CCDC91: variants seen among roughly 807,000 people sequenced by gnomAD.
CCDC91 encodes the protein coiled-coil domain-containing protein 91.
In CCDC91, 48 loss-of-function variants were observed where a neutral mutation model predicts 63.2. That is an observed-to-expected ratio of 0.76 (90% confidence interval 0.60 to 0.97). The LOEUF (loss-of-function observed/expected upper bound fraction) is 0.97. CCDC91 is among the 50% of genes least tolerant of loss of function. The probability of loss-of-function intolerance (pLI) is 0.00; values close to 1 mark genes in which losing one functional copy is unlikely to be tolerated. For missense variants in CCDC91, 500 were observed against 494.6 expected, an observed-to-expected ratio of 1.01 and a Z score of -0.10; for synonymous variants, 167 against 165.8, an observed-to-expected ratio of 1.01 and a Z score of -0.06.
chr12:28,344,020 T>C (rs1565829285), intron 6 of CCDC91, among the ~76,000 whole-genome samples: 4 of 152,144 alleles, frequency 2.6e-5, no homozygotes. Flanking sequence ...CAAATAATTT[T>C]TTCTGGTATT....
intron 6 of CCDC91, among the ~76,000 whole-genome samples, chr12:28,352,740 C>T (rs1052321835): frequency 1.3e-5 from 2 of 152,064 alleles, no homozygotes; most frequent in African/African-American, 2.4e-5. Flanking sequence ...TAAACCATAC[C>T]GTAAACAGAT....
At chr12:28,433,637 G>A (rs1160222965) in intron 8 of CCDC91, among the ~76,000 whole-genome samples, 1 of 151,942 alleles carries the variant, frequency 6.6e-6, no homozygotes, top group Non-Finnish European at 1.5e-5. Flanking sequence ...GCCAGGTAAT[G>A]TCAGTCCTCC....
At chr12:28,335,435 G>A (rs1271422695) in intron 6 of CCDC91, among the ~76,000 whole-genome samples, 1 of 144,318 alleles carries the variant, frequency 6.9e-6, no homozygotes, top group African/African-American at 2.5e-5. Context: ...ATATATATTT[G>A]AGACCAGGTC....
intron 8 of CCDC91, among the ~76,000 whole-genome samples, chr12:28,434,364 A>C (rs1948784665): frequency 6.6e-6 from 1 of 151,520 alleles, no homozygotes; most frequent in Non-Finnish European, 1.5e-5. Flanking sequence ...TATTGATATG[A>C]TCATGTGATT....
intron 1 of CCDC91, among the ~76,000 whole-genome samples, chr12:28,237,536 G>T (rs1257741609): frequency 6.6e-6 from 1 of 152,110 alleles, no homozygotes; most frequent in African/African-American, 2.4e-5. Context: ...GAAGATACTA[G>T]CCTTGAACAT....
At chr12:28,391,877 T>C (rs1156793047) in intron 8 of CCDC91, among the ~76,000 whole-genome samples, 3 of 152,200 alleles carry the variant, frequency 2.0e-5, no homozygotes, top group Non-Finnish European at 2.9e-5. Flanking sequence ...ATTCACTGCT[T>C]TACATTAAAC....
chr12:28,474,222 G>GT (rs771307857), intron 11 of CCDC91, among the ~76,000 whole-genome samples: 1 of 151,956 alleles, frequency 6.6e-6, no homozygotes, highest in East Asian at 1.9e-4. Flanking sequence ...CAACAAAGTC[G>GT]TTTTTTCTTG....
chr12:28,405,696 C>T (rs1946892375), intron 8 of CCDC91, among the ~76,000 whole-genome samples: 1 of 152,134 alleles, frequency 6.6e-6, no homozygotes, highest in Non-Finnish European at 1.5e-5. Context: ...TATTTTTCAA[C>T]ATGTGACATC....
intron 1 of CCDC91, among the ~76,000 whole-genome samples, chr12:28,226,960 T>C (rs1470423404): frequency 2.0e-5 from 3 of 152,172 alleles, no homozygotes; most frequent in African/African-American, 7.2e-5. Context: ...TCAGACATTT[T>C]GTAGGTTATT....
chr12:28,415,312 C>G (rs1487618620), intron 8 of CCDC91, among the ~76,000 whole-genome samples: 1 of 152,044 alleles, frequency 6.6e-6, no homozygotes, highest in Non-Finnish European at 1.5e-5. Flanking sequence ...CAACCTCCAC[C>G]TCCCAGGTTC....
At chr12:28,479,675 A>T (rs1006679405) in intron 11 of CCDC91, among the ~76,000 whole-genome samples, 1 of 152,062 alleles carries the variant, frequency 6.6e-6, no homozygotes, top group Non-Finnish European at 1.5e-5. Context: ...ACAAACACAG[A>T]TACAAATTTC....
At position 28,549,349 on chromosome 12, in the gene CCDC91, T is replaced by C. The variant is rs1371174130; in HGVS notation, c.*176T>C. 2 of 471,024 alleles carry C rather than the reference T, an allele frequency of 4.2e-6. No individual in the cohort carries two copies. Among genetic ancestry groups the C allele is most frequent in the African/African-American group, 4.0e-5 (2 of 49,772 alleles). 29.2% of individuals were successfully genotyped at this position (471,024 alleles called of 1,614,324 possible). A position where few individuals can be genotyped will look rare whatever the true frequency, so the allele number is the denominator to read the frequency against. ...TATCAAGTGATCTAATTTATTTTCTTTTGGTTTCTTCTTTACATTTACTGT... is the reference window on the plus strand; with the variant it reads ...TATCAAGTGATCTAATTTATTTTCTCTTGGTTTCTTCTTTACATTTACTGT... On this transcript the variant is annotated 3_prime_UTR_variant, in exon 13 of 13. Coordinates refer to ENST00000536442, the MANE Select transcript of CCDC91 (RefSeq NM_018318.5).
intron 1 of CCDC91, among the ~76,000 whole-genome samples, chr12:28,192,916 A>G (rs1591925222): frequency 6.6e-6 from 1 of 152,214 alleles, no homozygotes. Context: ...CCTCACTCAT[A>G]GGTCCTAGCA....
At chr12:28,332,381 C>T (rs932208289) in intron 6 of CCDC91, among the ~76,000 whole-genome samples, 1 of 152,036 alleles carries the variant, frequency 6.6e-6, no homozygotes, top group African/African-American at 2.4e-5. Context: ...ATTGAAAATC[C>T]TGGAGGAGAT....
intron 1 of CCDC91, among the ~76,000 whole-genome samples, chr12:28,205,710 A>G (rs10843134): frequency 0.21 from 31,279 of 152,156 alleles, 4,211 homozygotes; most frequent in Non-Finnish European, 0.31. Context: ...TGAATGGTTG[A>G]AGTCTTTCTG....
intron 3 of CCDC91, among the ~76,000 whole-genome samples, chr12:28,288,312 C>T (rs1949026716): frequency 1.3e-5 from 2 of 152,120 alleles, no homozygotes; most frequent in Admixed American, 1.3e-4. Context: ...AGCTTTTGTC[C>T]ATTCAGTATG....
At chr12:28,400,385 T>C (rs1433944322) in intron 8 of CCDC91, among the ~76,000 whole-genome samples, 1 of 108,054 alleles carries the variant, frequency 9.3e-6, no homozygotes, top group Non-Finnish European at 1.7e-5. Flanking sequence ...CAGGAAACTA[T>C]TTTTCCCCCC....
intron 12 of CCDC91, among the ~76,000 whole-genome samples, chr12:28,485,706 C>G (rs1240072640): frequency 6.6e-6 from 1 of 152,162 alleles, no homozygotes; most frequent in African/African-American, 2.4e-5. Context: ...TGATAGATGC[C>G]TAACCTTCTA....
intron 8 of CCDC91, among the ~76,000 whole-genome samples, chr12:28,437,744 C>A (rs1461515945): frequency 6.6e-6 from 1 of 152,046 alleles, no homozygotes; most frequent in Non-Finnish European, 1.5e-5. Context: ...CAACACTTTT[C>A]ATTTTCCTTT....
Sources: gnomAD v4.1 joint callset for allele counts (sites outside exome capture counted in the v4.1 genomes callset) on GRCh38, gnomAD v4.1.1 for gene constraint, MANE v1.5 for transcripts, NCBI Gene and HGNC (gene_info 2026-07-23, HGNC 2026-07-21) for gene names.